The following THSD7B variants were observed in gnomAD, a reference collection of about 807,000 sequenced individuals.
The protein encoded by THSD7B is thrombospondin type-1 domain-containing protein 7B.
Under a neutral mutation model 213.6 loss-of-function variants are expected in THSD7B, and 138 were observed. The ratio of observed to expected loss-of-function variants is 0.65; its 90% CI spans 0.56 to 0.74. The LOEUF (loss-of-function observed/expected upper bound fraction) is 0.74. Ranked by LOEUF, THSD7B falls within the 30% of genes least tolerant of loss-of-function variation. THSD7B has a pLI of 0.00. For missense variants in THSD7B, 1,931 were observed against 1,991.5 expected (o/e 0.97, Z 0.58); for synonymous variants, 742 against 687.0 (o/e 1.08, Z -1.25).
intron 5 of THSD7B, among the ~76,000 whole-genome samples, chr2:137,150,809 G>T (rs1332703050): frequency 1.3e-5 from 2 of 152,082 alleles, no homozygotes; most frequent in Non-Finnish European, 2.9e-5. Context: ...TAGGCTATAT[G>T]GTATGGCCTA....
At chr2:137,120,450 G>A (rs547076543) in intron 5 of THSD7B, among the ~76,000 whole-genome samples, 1 of 151,064 alleles carries the variant, frequency 6.6e-6, no homozygotes, top group African/African-American at 2.4e-5. Context: ...GGAAGGAGGA[G>A]GAAAGATGAA....
intron 12 of THSD7B, among the ~76,000 whole-genome samples, chr2:137,335,505 T>A (rs561923206): frequency 6.6e-6 from 1 of 152,234 alleles, no homozygotes; most frequent in Non-Finnish European, 1.5e-5. Flanking sequence ...GTTTTTTTCT[T>A]ATCCACATTG....
chr2:137,556,143 C>T (rs896433891), intron 15 of THSD7B, among the ~76,000 whole-genome samples: 1 of 152,128 alleles, frequency 6.6e-6, no homozygotes, highest in South Asian at 2.1e-4. Flanking sequence ...GGAGAACTTC[C>T]CCAACCTAGC....
At chr2:137,017,518 T>C (rs962341516) in intron 2 of THSD7B, among the ~76,000 whole-genome samples, 12 of 152,076 alleles carry the variant, frequency 7.9e-5, no homozygotes, top group African/African-American at 2.7e-4. Context: ...TAAGGTATCA[T>C]AGAAGCCAAT....
intron 2 of THSD7B, among the ~76,000 whole-genome samples, chr2:136,960,189 G>A (rs545192257): frequency 3.9e-5 from 6 of 152,150 alleles, no homozygotes; most frequent in African/African-American, 1.2e-4. Flanking sequence ...GTGCAATGGC[G>A]TGATCATGGT....
intron 16 of THSD7B, among the ~76,000 whole-genome samples, chr2:137,565,417 G>A (rs1461612166): frequency 6.6e-6 from 1 of 152,098 alleles, no homozygotes; most frequent in African/African-American, 2.4e-5. Context: ...GCAAGCATGT[G>A]AGAATGAGAC....
rs112601090 is a variant in THSD7B at position 136,878,076 on chromosome 2, C to A, written c.-35-4068C>A. On this transcript the variant is annotated intron_variant, in intron 1 of 27. Coordinates refer to ENST00000409968, the MANE Select transcript of THSD7B (RefSeq NM_001316349.2). ...CTAATGCTATCCCTCCCACTTTCCC[C>A]CACCCCACAACAGGTCCCAGTGTGT... 7.9e-3 allele frequency among the ~76,000 whole-genome samples: 1,202 copies of A among 152,170 alleles called. 16 individuals are homozygous for A. Among genetic ancestry groups the A allele is most frequent in the African/African-American group, 0.027 (1,129 of 41,506 alleles).
intron 15 of THSD7B, among the ~76,000 whole-genome samples, chr2:137,490,828 G>A (rs1431314305): frequency 6.6e-6 from 1 of 152,166 alleles, no homozygotes; most frequent in African/African-American, 2.4e-5. Flanking sequence ...AAAAATCTTT[G>A]CATGTATGCA....
chr2:136,767,220 A>C (rs543216302), intron 1 of THSD7B, among the ~76,000 whole-genome samples: 1 of 152,298 alleles, frequency 6.6e-6, no homozygotes, highest in Non-Finnish European at 1.5e-5. Flanking sequence ...GTTACTAACC[A>C]AATCAAGAAG....
intron 17 of THSD7B, among the ~76,000 whole-genome samples, chr2:137,606,846 G>A (rs1478354224): frequency 6.6e-6 from 1 of 152,038 alleles, no homozygotes; most frequent in African/African-American, 2.4e-5. Context: ...AAAGGAGAGA[G>A]GGAAACTGAG....
chr2:137,661,608 T>C (rs1683345024), intron 25 of THSD7B, among the ~76,000 whole-genome samples: 1 of 152,118 alleles, frequency 6.6e-6, no homozygotes, highest in Admixed American at 6.5e-5. Flanking sequence ...AATGTACTTA[T>C]GCTTGTACTG....
intron 7 of THSD7B, among the ~76,000 whole-genome samples, chr2:137,227,837 T>A (rs1483310573): frequency 1.3e-5 from 2 of 152,142 alleles, no homozygotes; most frequent in East Asian, 1.9e-4. Flanking sequence ...GACATAAATA[T>A]CTAGATTTCA....
At chr2:137,150,621 T>A in intron 5 of THSD7B, among the ~76,000 whole-genome samples, 1 of 152,212 alleles carries the variant, frequency 6.6e-6, no homozygotes, top group Non-Finnish European at 1.5e-5. Flanking sequence ...GAGTTAATTA[T>A]AACTCTTTTC....
chr2:136,831,244 A>G (rs1469880019), intron 1 of THSD7B, among the ~76,000 whole-genome samples: 1 of 151,914 alleles, frequency 6.6e-6, no homozygotes, highest in Non-Finnish European at 1.5e-5. Flanking sequence ...AAAGACAAAT[A>G]TGGATCTCAG....
rs1011501489 is a variant in THSD7B, at chr2:137,486,851, G to A, written c.3138+35828G>A. 3.5e-3 allele frequency among the ~76,000 whole-genome samples: 526 copies of A among 152,150 alleles called. 2 individuals are homozygous for A. Among genetic ancestry groups the A allele is most frequent in the African/African-American group, 0.011 (470 of 41,512 alleles). ...AGGATTAAGAAACTCACTCAAAACC[G>A]CTCAACTACATGGAAACTGAACAAC... On this transcript the variant is annotated intron_variant, in intron 15 of 27. Coordinates refer to ENST00000409968, the MANE Select transcript of THSD7B (RefSeq NM_001316349.2).
chr2:137,488,987 T>C (rs184618819), intron 15 of THSD7B, among the ~76,000 whole-genome samples: 9 of 152,364 alleles, frequency 5.9e-5, no homozygotes, highest in Non-Finnish European at 1.5e-5. Context: ...AAATTTCATC[T>C]GTGCCAACAT....
chr2:137,559,113 C>G (rs1394387365), intron 15 of THSD7B, among the ~76,000 whole-genome samples: 2 of 152,240 alleles, frequency 1.3e-5, no homozygotes, highest in East Asian at 3.9e-4. Context: ...TAGGAAGAAT[C>G]AATATCGTGA....
At chr2:137,373,520 C>T (rs573442719) in intron 12 of THSD7B, among the ~76,000 whole-genome samples, 1 of 152,166 alleles carries the variant, frequency 6.6e-6, no homozygotes, top group East Asian at 1.9e-4. Flanking sequence ...CTGTTCATGT[C>T]CTTCGCCCAC....
At chr2:137,018,412 A>G (rs1219084048) in intron 2 of THSD7B, among the ~76,000 whole-genome samples, 1 of 152,204 alleles carries the variant, frequency 6.6e-6, no homozygotes, top group Non-Finnish European at 1.5e-5. Context: ...GTAGGAATAC[A>G]GAAGTACTAA....
Sources: gnomAD v4.1 joint callset for allele counts (sites outside exome capture counted in the v4.1 genomes callset) on GRCh38, gnomAD v4.1.1 for gene constraint, MANE v1.5 for transcripts, NCBI Gene and HGNC (gene_info 2026-07-23, HGNC 2026-07-21) for gene names.